ETFRF1: variants seen among roughly 807,000 people sequenced by gnomAD.
ETFRF1 encodes the protein LYR motif containing 5.
ETFRF1 carries 12 observed loss-of-function variants against 9.0 expected under a neutral mutation model. The ratio of observed to expected loss-of-function variants is 1.34; its 90% confidence interval spans 0.86 to 2.16. The LOEUF (loss-of-function observed/expected upper bound fraction) is 2.16, where lower values mean the gene tolerates loss of function less well. Ranked by LOEUF, ETFRF1 falls within the 30% of genes most tolerant of loss-of-function variation. The probability of loss-of-function intolerance (pLI) is 0.00; values close to 1 mark genes in which losing one functional copy is unlikely to be tolerated. For missense variants in ETFRF1, 98 were observed against 101.8 expected, an observed-to-expected ratio of 0.96 and a Z score of 0.16; for synonymous variants, 34 against 33.2, an observed-to-expected ratio of 1.02 and a Z score of -0.08.
At chr12:25,201,135 A>T (rs1261803577) in intron 1 of ETFRF1, among the ~76,000 whole-genome samples, 1 of 152,162 alleles carries the variant, frequency 6.6e-6, no homozygotes, top group Admixed American at 6.5e-5. Context: ...CTGAAAGCTG[A>T]TGTTGGGCGT....
chr12:25,204,097 T>TATC lies in ETFRF1; in HGVS notation c.59_61dup (p.Tyr20_Leu21insHis), dbSNP rs1221028425. ...ATAATCTTTCTTTTTGAAGCTGCTG[T>TATC]ATCTTGGACGAGACTATCCAAAAGG... On this transcript the variant is annotated inframe_insertion, in exon 3 of 3. Coordinates refer to ENST00000381356, the MANE Select transcript of ETFRF1 (RefSeq NM_001001660.3). 1 of 1,581,284 alleles carries TATC rather than the reference T, an allele frequency of 6.3e-7. No individual in the cohort carries two copies. Among genetic ancestry groups the TATC allele is most frequent in the Admixed American group, 1.8e-5 (1 of 54,512 alleles).
At chr12:25,201,663 A>G (rs1256086154) in intron 1 of ETFRF1, among the ~76,000 whole-genome samples, 1 of 152,234 alleles carries the variant, frequency 6.6e-6, no homozygotes, top group Non-Finnish European at 1.5e-5. Flanking sequence ...TTCAGATTAA[A>G]TGAAATACAT....
intron 1 of ETFRF1, among the ~76,000 whole-genome samples, chr12:25,201,394 C>T (rs532432284): frequency 6.6e-6 from 1 of 152,114 alleles, no homozygotes; most frequent in Non-Finnish European, 1.5e-5. Context: ...TTGCTAGATT[C>T]GTGCTTGCTG....
At chr12:25,196,751 A>G (rs1438829191) in intron 1 of ETFRF1, among the ~76,000 whole-genome samples, 1 of 152,252 alleles carries the variant, frequency 6.6e-6, no homozygotes, top group Non-Finnish European at 1.5e-5. Flanking sequence ...GAGCAGCCTC[A>G]GGGCCCTGCT....
At chr12:25,203,509 G>C (rs539540990) in intron 1 of ETFRF1, among the ~76,000 whole-genome samples, 1 of 152,036 alleles carries the variant, frequency 6.6e-6, no homozygotes, top group East Asian at 1.9e-4. Context: ...TTGAGAGCAG[G>C]GTAAAGATAA....
intron 1 of ETFRF1, among the ~76,000 whole-genome samples, chr12:25,197,241 T>G (rs1951038367): frequency 6.6e-6 from 1 of 152,164 alleles, no homozygotes; most frequent in Non-Finnish European, 1.5e-5. Context: ...TAGTTACATT[T>G]TTGCTGGGCA....
chr12:25,202,218 G>C (rs886765995), intron 1 of ETFRF1, among the ~76,000 whole-genome samples: 3 of 151,702 alleles, frequency 2.0e-5, no homozygotes, highest in African/African-American at 7.3e-5. Flanking sequence ...TGGGGACAGA[G>C]CAAGAATCCA....
chr12:25,203,296 G>C (rs1269896212), intron 1 of ETFRF1, among the ~76,000 whole-genome samples: 1 of 152,178 alleles, frequency 6.6e-6, no homozygotes, highest in Non-Finnish European at 1.5e-5. Flanking sequence ...ACATAAAGAA[G>C]CATGATTTTG....
At chr12:25,203,753 T>C in intron 1 of ETFRF1, 167 bp from the exon 2 acceptor site, 1 of 401,542 alleles carries the variant, frequency 2.5e-6, no homozygotes, top group Non-Finnish European at 4.5e-6. Flanking sequence ...AGCAGGTAAT[T>C]TTATCGGAAG....
At chr12:25,202,667 C>G (rs887858803) in intron 1 of ETFRF1, among the ~76,000 whole-genome samples, 1 of 151,690 alleles carries the variant, frequency 6.6e-6, no homozygotes, top group African/African-American at 2.4e-5. Context: ...GTGTGTGCGC[C>G]GAATGGTGAC....
intron 2 of ETFRF1, 27 bp downstream of exon 2, chr12:25,204,034 A>G (rs974687348): frequency 6.6e-7 from 1 of 1,525,630 alleles, no homozygotes; most frequent in African/African-American, 1.4e-5. Flanking sequence ...CCAATTTTAT[A>G]AAAATGTTAT....
rs1173591369 is a variant in ETFRF1, at chr12:25,195,271, C to T, written c.-104C>T. ...TTGCCCACCTCCCCCAACGCCACCCCGCTTCGCAGTAGACGGACAGAGGAG... is the reference window on the plus strand; with the variant it reads ...TTGCCCACCTCCCCCAACGCCACCCTGCTTCGCAGTAGACGGACAGAGGAG... On this transcript the variant is annotated 5_prime_UTR_variant, in exon 1 of 3. Transcript: ENST00000381356. The T allele has an allele frequency of 6.1e-6, 4 of 653,574 alleles. No homozygotes were observed. Among genetic ancestry groups the T allele is most frequent in the East Asian group, 2.7e-5 (1 of 36,888 alleles). 40.5% of individuals were successfully genotyped at this position (653,574 alleles called of 1,614,324 possible). A position where few individuals can be genotyped will look rare whatever the true frequency, so the allele number is the denominator to read the frequency against.
At chr12:25,198,175 GTAATAC>G (rs1951045779) in intron 1 of ETFRF1, among the ~76,000 whole-genome samples, 1 of 152,158 alleles carries the variant, frequency 6.6e-6, no homozygotes, top group Non-Finnish European at 1.5e-5. Flanking sequence ...TCTGGACAAA[GTAATAC>G]TAGTCCCTGG....
At position 25,204,300 on chromosome 12, in the gene ETFRF1, C is replaced by A; in HGVS notation, c.261C>A (p.Asn87Lys). Residue 87 changes from asparagine to lysine, a missense_variant, in exon 3 of 3, where the codon AAC becomes AAA. Physicochemically the swap from Asn to Lys is moderately conservative, Grantham distance 94. Transcript: ENST00000381356. ...AACAACGCTATTATTCAGATACCAA[C>A]AAAACTAATTGATCATTACTACTTT... ...AMKQRYYSDT[N>K]KTN 1 of 1,572,726 alleles carries A rather than the reference C, an allele frequency of 6.4e-7. No individual in the cohort carries two copies. Among genetic ancestry groups the A allele is most frequent in the Non-Finnish European group, 8.6e-7 (1 of 1,165,342 alleles).
intron 1 of ETFRF1, among the ~76,000 whole-genome samples, chr12:25,200,529 G>A (rs1451958803): frequency 6.6e-5 from 10 of 152,020 alleles, no homozygotes; most frequent in African/African-American, 2.4e-4. Flanking sequence ...ACATACAGAG[G>A]ATCACTTACC....
chr12:25,197,384 A>G (rs1441532035), intron 1 of ETFRF1, among the ~76,000 whole-genome samples: 2 of 152,252 alleles, frequency 1.3e-5, no homozygotes, highest in East Asian at 1.9e-4. Context: ...TAAACAGGTT[A>G]TAGTTTGCAA....
intron 1 of ETFRF1, 166 bp from the exon 2 acceptor site, chr12:25,203,754 T>C: frequency 2.5e-6 from 1 of 402,038 alleles, no homozygotes; most frequent in South Asian, 7.3e-5. Context: ...GCAGGTAATT[T>C]TATCGGAAGT....
rs538177725 is a variant in ETFRF1 at position 25,196,666 on chromosome 12, G to C, written c.-38+1329G>C. Among the ~76,000 whole-genome samples, 3 of 152,300 alleles carry C rather than the reference G, an allele frequency of 2.0e-5. No homozygotes were observed. In the South Asian group the frequency reaches 6.2e-4, roughly 32 times the overall value. ...ACACATCCAAGTTTTCAGAATAATA[G>C]GGGGCTTCTCTTAGTCCTTAACTCT... is the stretch of plus-strand genomic sequence containing the variant. On this transcript the variant is annotated intron_variant, in intron 1 of 2. Coordinates refer to ENST00000381356, the MANE Select transcript of ETFRF1 (RefSeq NM_001001660.3).
chr12:25,202,685 G>A (rs1313450922), intron 1 of ETFRF1, among the ~76,000 whole-genome samples: 1 of 151,930 alleles, frequency 6.6e-6, no homozygotes, highest in Non-Finnish European at 1.5e-5. Flanking sequence ...GACAGCAAGA[G>A]GATTTTGATT....
Sources: gnomAD v4.1 joint callset for allele counts (sites outside exome capture counted in the v4.1 genomes callset) on GRCh38, gnomAD v4.1.1 for gene constraint, MANE v1.5 for transcripts, NCBI Gene and HGNC (gene_info 2026-07-23, HGNC 2026-07-21) for gene names.